RALGPS2: variants seen among roughly 807,000 people sequenced by gnomAD.
RALGPS2 encodes the protein Ral GEF with PH domain and SH3 binding motif 2.
In RALGPS2, 43 loss-of-function variants were observed where a neutral mutation model predicts 86.8. That is an observed-to-expected ratio of 0.50 (90% confidence interval 0.39 to 0.64). RALGPS2 has a LOEUF of 0.64. RALGPS2 is among the 30% of genes least tolerant of loss of function. RALGPS2 has a pLI of 0.00. For missense variants in RALGPS2, 536 were observed against 694.6 expected (o/e 0.77, Z 2.57); for synonymous variants, 243 against 231.3 (o/e 1.05, Z -0.46).
intron 8 of RALGPS2, among the ~76,000 whole-genome samples, chr1:178,866,019 TCCAGCTACCA>T: frequency 6.6e-6 from 1 of 152,294 alleles, no homozygotes; most frequent in South Asian, 2.1e-4. Context: ...GAATAACTCT[TCCAGCTACCA>T]CCTTATTGTA....
At chr1:178,879,999 T>G (rs1659173007) in intron 10 of RALGPS2, among the ~76,000 whole-genome samples, 1 of 152,136 alleles carries the variant, frequency 6.6e-6, no homozygotes, top group Non-Finnish European at 1.5e-5. Flanking sequence ...CTCTTGAAGC[T>G]TCACTCTTTT....
intron 5 of RALGPS2, among the ~76,000 whole-genome samples, chr1:178,810,969 A>T (rs1654948600): frequency 6.6e-6 from 1 of 152,034 alleles, no homozygotes; most frequent in African/African-American, 2.4e-5. Context: ...CTAATAAATT[A>T]GTTTTAATTA....
chr1:178,865,235 G>A (rs772849454), intron 8 of RALGPS2: 2 of 1,614,112 alleles, frequency 1.2e-6, no homozygotes, highest in Admixed American at 3.3e-5. Flanking sequence ...ATCAGTCAAG[G>A]AAGCGTATTT....
intron 17 of RALGPS2, 150 bp downstream of exon 17, chr1:178,897,906 T>C (rs1660017420): frequency 5.1e-6 from 3 of 593,520 alleles, no homozygotes; most frequent in Non-Finnish European, 8.9e-6. Context: ...TATTTCTTTT[T>C]TAAATACCAT....
chr1:178,791,850 C>T (rs1326536012), intron 4 of RALGPS2, among the ~76,000 whole-genome samples: 2 of 152,142 alleles, frequency 1.3e-5, no homozygotes, highest in Admixed American at 6.5e-5. Flanking sequence ...TGCTTACCTA[C>T]AATGTCTGTT....
chr1:178,728,342 T>G (rs1479526932), intron 1 of RALGPS2, among the ~76,000 whole-genome samples: 6 of 151,756 alleles, frequency 4.0e-5, no homozygotes, highest in Non-Finnish European at 7.4e-5. Flanking sequence ...TGAAATTTAT[T>G]GAATCAAATT....
chr1:178,831,200 CAT>C (rs1399931489), intron 7 of RALGPS2, among the ~76,000 whole-genome samples: 5 of 152,174 alleles, frequency 3.3e-5, no homozygotes, highest in African/African-American at 4.8e-5. Flanking sequence ...GAAGATGAGT[CAT>C]GTGTGTTCGT....
rs1392140576 is a variant in RALGPS2 at position 178,886,142 on chromosome 1, G to C, written c.1192+22G>C. 6 of 1,596,292 alleles carry C rather than the reference G, an allele frequency of 3.8e-6. No homozygotes were observed. In the African/African-American group the frequency reaches 6.8e-5, roughly 18 times the overall value. On this transcript the variant is annotated intron_variant, in intron 13 of 19. Transcript: ENST00000367635. ...ATAGGTGAGAAATACTTCTCTGAGA[G>C]GGTTGCAATTTAACTTTAAATAAAA...
chr1:178,773,512 C>T (rs537334450), intron 1 of RALGPS2, among the ~76,000 whole-genome samples: 12 of 152,306 alleles, frequency 7.9e-5, no homozygotes, highest in South Asian at 2.1e-4. Flanking sequence ...AGAATAAACT[C>T]GTATCTCTGT....
chr1:178,882,603 A>G (rs1411996636), intron 10 of RALGPS2, among the ~76,000 whole-genome samples: 1 of 152,224 alleles, frequency 6.6e-6, no homozygotes, highest in Non-Finnish European at 1.5e-5. Context: ...GTAGAATACT[A>G]AACAGTTTTT....
chr1:178,914,382 G>A (rs1660734433), intron 19 of RALGPS2, among the ~76,000 whole-genome samples: 1 of 152,148 alleles, frequency 6.6e-6, no homozygotes, highest in Non-Finnish European at 1.5e-5. Flanking sequence ...TGTGGTGAGA[G>A]TGGGCCATTC....
chr1:178,778,795 C>CA (rs1653234648), intron 2 of RALGPS2, among the ~76,000 whole-genome samples: 1 of 151,124 alleles, frequency 6.6e-6, no homozygotes, highest in Non-Finnish European at 1.5e-5. Context: ...ATCGCAAGAA[C>CA]AAAAAACCAA....
intron 1 of RALGPS2, among the ~76,000 whole-genome samples, chr1:178,749,491 G>A (rs1371225957): frequency 1.3e-5 from 2 of 152,044 alleles, no homozygotes; most frequent in South Asian, 2.1e-4. Flanking sequence ...CTTCTTTTTC[G>A]TTTTAAAAGA....
intron 8 of RALGPS2, chr1:178,865,757 G>A (rs753315982): frequency 6.2e-7 from 1 of 1,602,170 alleles, no homozygotes; most frequent in Admixed American, 1.7e-5. Context: ...CACACCTAGG[G>A]TCCAGGTAAA....
intron 12 of RALGPS2, chr1:178,885,559 A>G: frequency 5.2e-6 from 1 of 194,002 alleles, no homozygotes. Flanking sequence ...TAAGTCAAAA[A>G]TAACAGCTAT....
intron 4 of RALGPS2, among the ~76,000 whole-genome samples, chr1:178,786,017 G>A (rs933423399): frequency 1.3e-5 from 2 of 152,052 alleles, no homozygotes; most frequent in Admixed American, 1.3e-4. Flanking sequence ...GAGAAAAAAT[G>A]TTACTAAGAA....
chr1:178,793,795 C>T (rs558791200), intron 4 of RALGPS2, among the ~76,000 whole-genome samples: 2 of 152,224 alleles, frequency 1.3e-5, no homozygotes, highest in South Asian at 4.2e-4. Flanking sequence ...ATTTTGGAGT[C>T]GTTTTTGCAG....
chr1:178,886,023 A>G lies in RALGPS2; in HGVS notation c.1095A>G (p.Ala365=), dbSNP rs1189486696. The change falls in exon 13 of 20, where the codon GCA becomes GCG. Residue 365 remains alanine, a synonymous_variant. Coordinates refer to ENST00000367635, the MANE Select transcript of RALGPS2 (RefSeq NM_152663.5). ...TTAAGAGTGCAACGTTTCCAAATGC[A>G]GGACCAAGACATCTGTTAGATGATA... ...AEFKSATFPN[A]GPRHLLDDSV... 3 of 1,612,634 alleles carry G rather than the reference A, an allele frequency of 1.9e-6. No homozygotes were observed. The highest frequency in any genetic ancestry group is 2.5e-6 in the Non-Finnish European group (3 of 1,179,410).
At position 178,765,496 on chromosome 1, in the gene RALGPS2, G is replaced by A. The variant is rs545008206; in HGVS notation, c.-83-11186G>A. On this transcript the variant is annotated intron_variant, in intron 1 of 19. Coordinates refer to ENST00000367635, the MANE Select transcript of RALGPS2 (RefSeq NM_152663.5). ...TTCACAAGGTAATAAAATATCACAA[G>A]GCAAATGGAGGCAGGGTGAGATCAC... 6.9e-4 allele frequency among the ~76,000 whole-genome samples: 105 copies of A among 152,218 alleles called. 1 individual carries two copies. The highest frequency in any genetic ancestry group is 1.9e-4 in the Non-Finnish European group (13 of 68,014).
Sources: gnomAD v4.1 joint callset for allele counts (sites outside exome capture counted in the v4.1 genomes callset) on GRCh38, gnomAD v4.1.1 for gene constraint, MANE v1.5 for transcripts, NCBI Gene and HGNC (gene_info 2026-07-23, HGNC 2026-07-21) for gene names.